DLG5: variants seen among roughly 807,000 people sequenced by gnomAD.
DLG5 encodes the protein discs large MAGUK scaffold protein 5.
A neutral mutation model predicts 189.8 loss-of-function variants in DLG5; 48 were observed. The ratio of observed to expected loss-of-function variants is 0.25; its 90% CI spans 0.20 to 0.32. The LOEUF (loss-of-function observed/expected upper bound fraction) is 0.32, where lower values mean the gene tolerates loss of function less well. Ranked by LOEUF, DLG5 falls within the 10% of genes least tolerant of loss-of-function variation. The pLI is 1.00. For missense variants in DLG5, 2,160 were observed against 2,544.7 expected, an observed-to-expected ratio of 0.85 and a Z score of 3.25; for synonymous variants, 1,016 against 1,054.1, an observed-to-expected ratio of 0.96 and a Z score of 0.70.
chr10:77,902,086 G>C (rs143554663), intron 1 of DLG5, among the ~76,000 whole-genome samples: 88 of 152,320 alleles, frequency 5.8e-4, no homozygotes, highest in Middle Eastern at 3.4e-3. Context: ...CTCTCCCTTA[G>C]AGGGAACAGA....
At chr10:77,837,186 G>T (rs751651537) in intron 7 of DLG5, among the ~76,000 whole-genome samples, 11 of 116,108 alleles carry the variant, frequency 9.5e-5, no homozygotes, top group Non-Finnish European at 1.6e-4. Flanking sequence ...CTGCACTCCA[G>T]CCTGGACAAC....
At chr10:77,882,844 A>G (rs1158450526) in intron 1 of DLG5, among the ~76,000 whole-genome samples, 9 of 151,490 alleles carry the variant, frequency 5.9e-5, no homozygotes, top group Non-Finnish European at 1.2e-4. Flanking sequence ...AACCTGGGAA[A>G]CAGAGGTTGC....
rs529006149 is a variant in DLG5, at chr10:77,792,185, G to A, written c.*255C>T. 615 of 533,394 alleles carry A rather than the reference G, an allele frequency of 1.2e-3. 1 individual carries two copies. The highest frequency in any genetic ancestry group is 1.1e-3 in the Non-Finnish European group (342 of 298,752). The allele number at this position is 533,394 out of a possible 1,614,324, so 33.0% of individuals were successfully genotyped here. A position where few individuals can be genotyped will look rare whatever the true frequency, so the allele number is the denominator to read the frequency against. ...ATCAGCTGGCTAAAGAAAGGTGGGTGCTGAACCCGTCTTTAGTGTTATCTG... is the reference window on the plus strand; with the variant it reads ...ATCAGCTGGCTAAAGAAAGGTGGGTACTGAACCCGTCTTTAGTGTTATCTG... On this transcript the variant is annotated 3_prime_UTR_variant, in exon 32 of 32. Coordinates refer to ENST00000372391, the MANE Select transcript of DLG5 (RefSeq NM_004747.4).
chr10:77,860,297 G>C (rs1440541414), intron 2 of DLG5, among the ~76,000 whole-genome samples: 1 of 152,024 alleles, frequency 6.6e-6, no homozygotes, highest in Admixed American at 6.6e-5. Context: ...GGGTTTTTTT[G>C]GTTGGTTTTG....
chr10:77,865,157 C>G (rs1844621775), intron 2 of DLG5, among the ~76,000 whole-genome samples: 1 of 152,190 alleles, frequency 6.6e-6, no homozygotes, highest in Non-Finnish European at 1.5e-5. Context: ...TCGTGCCAGA[C>G]AGTGCCTGTC....
At chr10:77,842,217 T>C (rs768357954) in intron 6 of DLG5, 24 bp from the exon 7 acceptor site, 19 of 1,591,362 alleles carry the variant, frequency 1.2e-5, no homozygotes, top group Non-Finnish European at 1.6e-5. Flanking sequence ...TGGCGAGATG[T>C]GGGAAGGGCG....
intron 1 of DLG5, among the ~76,000 whole-genome samples, chr10:77,898,654 G>A (rs1032272516): frequency 2.0e-5 from 3 of 152,342 alleles, no homozygotes; most frequent in African/African-American, 7.2e-5. Context: ...TCACGCGGCT[G>A]GGCCCCGCGT....
At chr10:77,934,692 C>T in the DLG5 span, among the ~76,000 whole-genome samples, 2 of 152,150 alleles carry the variant, frequency 1.3e-5, no homozygotes, top group African/African-American at 4.8e-5. Context: ...AACTGAATGA[C>T]CTTGGAAGTG....
chr10:77,874,504 C>T (rs1261396220), intron 1 of DLG5, among the ~76,000 whole-genome samples: 3 of 152,150 alleles, frequency 2.0e-5, no homozygotes. Flanking sequence ...ATGTGATGGG[C>T]CAGTCAAAAT....
intron 5 of DLG5, among the ~76,000 whole-genome samples, chr10:77,852,891 A>T (rs1844051278): frequency 6.6e-6 from 1 of 152,158 alleles, no homozygotes; most frequent in South Asian, 2.1e-4. Context: ...GCCTGTGTGT[A>T]TGTGTACACT....
chr10:77,838,502 T>C (rs1274700565), intron 7 of DLG5, among the ~76,000 whole-genome samples: 1 of 152,158 alleles, frequency 6.6e-6, no homozygotes, highest in Admixed American at 6.5e-5. Flanking sequence ...ACAGCCAACC[T>C]GGCAAAGATC....
intron 8 of DLG5, among the ~76,000 whole-genome samples, 159 bp from the exon 9 acceptor site, chr10:77,834,198 C>T (rs769449859): frequency 3.3e-5 from 5 of 152,114 alleles, no homozygotes; most frequent in African/African-American, 2.4e-5. Context: ...GGTAAGACCA[C>T]CTAGGCCAGC....
chr10:77,925,528 G>A (rs1846658269), intron 1 of DLG5, among the ~76,000 whole-genome samples: 1 of 152,208 alleles, frequency 6.6e-6, no homozygotes, highest in African/African-American at 2.4e-5. Context: ...GCACCCTCAA[G>A]GGAACCAGTC....
At chr10:77,932,752 C>T in the DLG5 span, among the ~76,000 whole-genome samples, 1 of 152,234 alleles carries the variant, frequency 6.6e-6, no homozygotes, top group South Asian at 2.1e-4. Flanking sequence ...ACTCTGCCCA[C>T]TGCAGAGTGG....
At chr10:77,820,111 C>T (rs1222804422) in intron 15 of DLG5, 93 bp from the exon 16 acceptor site, 14 of 1,537,798 alleles carry the variant, frequency 9.1e-6, no homozygotes, top group South Asian at 7.1e-5. Flanking sequence ...TCTGGGAGGC[C>T]GAGGCGGGCA....
rs1846688840 is a variant in DLG5 at position 77,926,249 on chromosome 10, A to G, written c.272T>C (p.Val91Ala). The change falls in exon 1 of 32, where the codon GTC becomes GCC. Residue 91 changes from valine to alanine, a missense_variant. Val to Ala is a moderately conservative substitution (Grantham distance 64). Coordinates refer to ENST00000372391, the MANE Select transcript of DLG5 (RefSeq NM_004747.4). This position sits in a 1 kb window ranked among gnomAD's most constrained non-coding sequence, Gnocchi z 5.2. Reference protein sequence around the residue: ...HLLPILYLNGVVGPPQPAEGA... With the variant: ...HLLPILYLNGAVGPPQPAEGA... The stretch of plus-strand genomic sequence containing the variant: ...TTCGGCGGGCTGCGGCGGCCCGACG[A>G]CGCCGTTCAGGTAGAGAATGGGCAG... The G allele has an allele frequency of 2.0e-6, 3 of 1,537,298 alleles. No homozygotes were observed. Among genetic ancestry groups the G allele is most frequent in the Non-Finnish European group, 2.6e-6 (3 of 1,142,010 alleles).
rs7906292 is a variant in DLG5, at chr10:77,793,757, G to A, written c.5656+251C>T. ...CTATGAGACAGACCCACCACTGCAC[G>A]TGTGAAAATGAGCAGGCAAGCCAGG... On this transcript the variant is annotated intron_variant, in intron 31 of 31. Coordinates refer to ENST00000372391, the MANE Select transcript of DLG5 (RefSeq NM_004747.4). The A allele has an allele frequency of 1.2e-3, 624 of 536,706 alleles. 4 individuals carry two copies. The highest frequency in any genetic ancestry group is 0.011 in the African/African-American group (576 of 52,282). The allele number at this position is 536,706 out of a possible 1,614,324, so 33.2% of individuals were successfully genotyped here.
rs374737595 is a variant in DLG5, at chr10:77,812,504, T to C, written c.4026-127A>G. 73 of 1,081,792 alleles carry C rather than the reference T, an allele frequency of 6.7e-5. 4 individuals carry two copies. The highest frequency in any genetic ancestry group is 5.4e-4 in the East Asian group (21 of 38,692). The allele number at this position is 1,081,792 out of a possible 1,614,324, so 67.0% of individuals were successfully genotyped here. On this transcript the variant is annotated intron_variant, in intron 20 of 31. Coordinates refer to ENST00000372391, the MANE Select transcript of DLG5 (RefSeq NM_004747.4). ...GCCCCGAGCCTGGATGCTCCCATTG[T>C]GACACAGCTACATGGGGACATGGTG... is the stretch of plus-strand genomic sequence containing the variant.
At chr10:77,912,089 T>C (rs896157594) in intron 1 of DLG5, among the ~76,000 whole-genome samples, 4 of 149,948 alleles carry the variant, frequency 2.7e-5, no homozygotes, top group African/African-American at 9.8e-5. Context: ...TTGTCCTAGC[T>C]ACTCAGGGAG....
Sources: gnomAD v4.1 joint callset for allele counts (sites outside exome capture counted in the v4.1 genomes callset) on GRCh38, gnomAD v4.1.1 for gene constraint, Gnocchi (gnomAD v3.1) non-coding constraint, MANE v1.5 for transcripts, NCBI Gene and HGNC (gene_info 2026-07-23, HGNC 2026-07-21) for gene names.